The following SPATS2L variants were observed in gnomAD, a reference collection of about 807,000 sequenced individuals.
SPATS2L encodes spermatogenesis associated serine rich 2 like.
A neutral mutation model predicts 59.6 loss-of-function variants in SPATS2L; 30 were observed. That is an observed-to-expected ratio of 0.50 (90% CI 0.38 to 0.68). The LOEUF (loss-of-function observed/expected upper bound fraction) is 0.68, where lower values mean the gene tolerates loss of function less well. Among genes scored for constraint, SPATS2L ranks in the 30% least tolerant of loss-of-function variants. SPATS2L has a pLI of 0.00. For missense variants in SPATS2L, 615 were observed against 700.0 expected, an observed-to-expected ratio of 0.88 and a Z score of 1.37; for synonymous variants, 252 against 263.5, an observed-to-expected ratio of 0.96 and a Z score of 0.42.
chr2:200,477,076 G>T (rs1376733848), intron 12 of SPATS2L, among the ~76,000 whole-genome samples: 5 of 152,162 alleles, frequency 3.3e-5, no homozygotes, highest in South Asian at 2.1e-4. Flanking sequence ...GTGGAGCCTG[G>T]GATTTTTATG....
At chr2:200,397,662 A>G (rs1295058914) in intron 3 of SPATS2L, among the ~76,000 whole-genome samples, 1 of 151,782 alleles carries the variant, frequency 6.6e-6, no homozygotes, top group Admixed American at 6.6e-5. Flanking sequence ...TAATAATATC[A>G]TAGACTTTGT....
chr2:200,349,499 G>A (rs991270334), intron 2 of SPATS2L, among the ~76,000 whole-genome samples: 3 of 152,214 alleles, frequency 2.0e-5, no homozygotes, highest in Non-Finnish European at 1.5e-5. Context: ...TTAGCCGAAT[G>A]TGATGGCACA....
intron 8 of SPATS2L, among the ~76,000 whole-genome samples, chr2:200,459,002 C>T (rs1333961902): frequency 6.6e-6 from 1 of 152,242 alleles, no homozygotes; most frequent in East Asian, 1.9e-4. Context: ...AACCTCTCTT[C>T]ACTCCTTCCT....
intron 6 of SPATS2L, among the ~76,000 whole-genome samples, chr2:200,426,135 G>T (rs1182036814): frequency 7.5e-6 from 1 of 134,020 alleles, no homozygotes; most frequent in African/African-American, 2.9e-5. Flanking sequence ...GTGTTACCCA[G>T]GCTGGAGTGC....
rs569761761 is a variant in SPATS2L at position 200,473,658 on chromosome 2, CTA to C, written c.1281+610_1281+611del. Among the ~76,000 whole-genome samples the C allele has an allele frequency of 3.7e-4, 57 of 152,282 alleles. No homozygotes were observed. The Middle Eastern group carries it at 0.027, about 73-fold the overall frequency. The stretch of plus-strand genomic sequence containing the variant: ...TTCCTTCTCTCCTTCTGCTTCTCCA[CTA>C]TATCTTTTGGAGGTGATTTCCCCCT... On this transcript the variant is annotated intron_variant, in intron 12 of 12. Coordinates refer to ENST00000409140, the MANE Select transcript of SPATS2L (RefSeq NM_001100423.2).
At chr2:200,434,599 G>T (rs1206517052) in intron 6 of SPATS2L, among the ~76,000 whole-genome samples, 2 of 152,000 alleles carry the variant, frequency 1.3e-5, no homozygotes, top group Admixed American at 6.6e-5. Context: ...TTTTAAAAAT[G>T]CTATAAACAA....
At chr2:200,464,336 T>C (rs1348789210) in intron 9 of SPATS2L, among the ~76,000 whole-genome samples, 1 of 152,260 alleles carries the variant, frequency 6.6e-6, no homozygotes, top group African/African-American at 2.4e-5. Context: ...AAATGCATTT[T>C]AACACTTGCT....
At chr2:200,395,832 G>A (rs762250796) in intron 3 of SPATS2L, among the ~76,000 whole-genome samples, 9 of 151,046 alleles carry the variant, frequency 6.0e-5, no homozygotes, top group East Asian at 3.9e-4. Context: ...CCAACATGGC[G>A]AAACCCCGTC....
intron 2 of SPATS2L, among the ~76,000 whole-genome samples, chr2:200,376,728 A>G (rs2081612819): frequency 6.6e-6 from 1 of 152,240 alleles, no homozygotes; most frequent in South Asian, 2.1e-4. Context: ...CAGCTGTTTT[A>G]AAAGCATGGA....
chr2:200,306,173 T>C (rs2079005879), upstream of SPATS2L: 2 of 999,884 alleles, frequency 2.0e-6, no homozygotes, highest in Non-Finnish European at 2.4e-6. Context: ...CATTTTCGAA[T>C]GGGCTATCTT....
chr2:200,331,147 G>A (rs748935760), intron 2 of SPATS2L, among the ~76,000 whole-genome samples: 1 of 152,232 alleles, frequency 6.6e-6, no homozygotes, highest in African/African-American at 2.4e-5. Context: ...AATAACTGAA[G>A]AGGTGTCCGA....
chr2:200,415,674 T>C (rs753684329), intron 4 of SPATS2L, among the ~76,000 whole-genome samples: 2 of 151,992 alleles, frequency 1.3e-5, no homozygotes, highest in African/African-American at 2.4e-5. Context: ...AATTAGGCAT[T>C]TAATTTATAT....
chr2:200,364,223 G>A (rs2081196766), intron 2 of SPATS2L, among the ~76,000 whole-genome samples: 1 of 152,164 alleles, frequency 6.6e-6, no homozygotes, highest in Admixed American at 6.5e-5. Context: ...AAACTGTAAG[G>A]TAATGAATTT....
chr2:200,452,812 A>G (rs1204379721), intron 8 of SPATS2L, among the ~76,000 whole-genome samples: 2 of 152,182 alleles, frequency 1.3e-5, no homozygotes, highest in African/African-American at 4.8e-5. Context: ...ACATGTATGC[A>G]GGGTTTTATA....
intron 8 of SPATS2L, among the ~76,000 whole-genome samples, chr2:200,457,094 G>A (rs1021020379): frequency 6.6e-6 from 1 of 151,938 alleles, no homozygotes; most frequent in Non-Finnish European, 1.5e-5. Flanking sequence ...TTGTAGTTTG[G>A]GCTTCTGGCT....
intron 6 of SPATS2L, among the ~76,000 whole-genome samples, chr2:200,436,492 T>TA (rs1030034424): frequency 6.6e-6 from 1 of 152,000 alleles, no homozygotes; most frequent in Non-Finnish European, 1.5e-5. Context: ...TTTGAGGACC[T>TA]AAAAAAAATC....
At chr2:200,401,764 G>A (rs2082535996) in intron 3 of SPATS2L, among the ~76,000 whole-genome samples, 1 of 152,138 alleles carries the variant, frequency 6.6e-6, no homozygotes, top group Non-Finnish European at 1.5e-5. Context: ...CTCAGGTTTA[G>A]CTATGTTTTG....
At chr2:200,455,542 T>C (rs2085775982) in intron 8 of SPATS2L, among the ~76,000 whole-genome samples, 1 of 152,170 alleles carries the variant, frequency 6.6e-6, no homozygotes, top group African/African-American at 2.4e-5. Flanking sequence ...AGTGATCAGC[T>C]CACATTTCGA....
At chr2:200,392,740 G>C (rs2082209950) in intron 3 of SPATS2L, among the ~76,000 whole-genome samples, 1 of 152,112 alleles carries the variant, frequency 6.6e-6, no homozygotes, top group African/African-American at 2.4e-5. Context: ...GTGGTCTTGT[G>C]GAACTGAGCT....
Sources: allele counts gnomAD v4.1 joint callset (sites outside exome capture counted in the v4.1 genomes callset), GRCh38; gene constraint gnomAD v4.1.1; transcripts MANE v1.5; gene names NCBI Gene and HGNC (gene_info 2026-07-23, HGNC 2026-07-21).